The following PRIM2 variants were observed in gnomAD, a reference collection of about 807,000 sequenced individuals.
PRIM2 encodes DNA primase large subunit.
In PRIM2, 39 loss-of-function variants were observed where a neutral mutation model predicts 67.3. The ratio of observed to expected loss-of-function variants is 0.58; its 90% CI spans 0.45 to 0.76. PRIM2 has a LOEUF of 0.76. Ranked by LOEUF, PRIM2 falls within the 30% of genes least tolerant of loss-of-function variation. The probability of loss-of-function intolerance (pLI) is 0.00; values close to 1 mark genes in which losing one functional copy is unlikely to be tolerated. For synonymous variants in PRIM2, 143 were observed against 198.7 expected (o/e 0.72, Z 2.36); for missense variants, 398 against 598.7 (o/e 0.66, Z 3.50).
At chr6:57,298,866 T>TC in the PRIM2 span, among the ~76,000 whole-genome samples, 1 of 152,176 alleles carries the variant, frequency 6.6e-6, no homozygotes, top group African/African-American at 2.4e-5. Flanking sequence ...CATTCTCCTC[T>TC]CTGCCGGCCT....
chr6:57,418,316 A>C (rs1405866057), intron 7 of PRIM2, among the ~76,000 whole-genome samples: 3 of 150,740 alleles, frequency 2.0e-5, no homozygotes, highest in African/African-American at 7.3e-5. Flanking sequence ...AATTAAAAAG[A>C]TATAGGATGA....
intron 13 of PRIM2, among the ~76,000 whole-genome samples, chr6:57,642,433 A>ACCTTTTTTTTTTTTTTTTTT (rs1444848326): frequency 9.3e-6 from 1 of 107,060 alleles, no homozygotes; most frequent in Non-Finnish European, 1.8e-5. Context: ...TAAATATTAT[A>ACCTTTTTTTTTTTTTTTTTT]TCTTTTTTTT....
At position 57,339,404 on chromosome 6, in the gene PRIM2, C is replaced by T. The variant is rs1396732027; in HGVS notation, c.459+13359C>T. ...AAAGAGCCCGCATCGCCAAGTCAAT[C>T]CTAAGCCAAAAGAACAAAGCTGGAG... On this transcript the variant is annotated intron_variant, in intron 5 of 13. Coordinates refer to ENST00000615550, the MANE Select transcript of PRIM2 (RefSeq NM_000947.5). 2.6e-5 allele frequency among the ~76,000 whole-genome samples: 4 copies of T among 152,052 alleles called. 1 individual carries two copies. The South Asian group carries it at 6.2e-4, about 24-fold the overall frequency.
intron 5 of PRIM2, among the ~76,000 whole-genome samples, chr6:57,366,234 G>A (rs4544911): frequency 1.3e-5 from 2 of 152,104 alleles, no homozygotes; most frequent in South Asian, 2.1e-4. Flanking sequence ...TCAGATGTGG[G>A]AAATATGTGT....
chr6:57,392,357 G>T (rs1581857550), intron 7 of PRIM2, among the ~76,000 whole-genome samples: 5 of 151,978 alleles, frequency 3.3e-5, no homozygotes. Context: ...TTGGATGCCT[G>T]CCCTTCATTT....
chr6:57,570,567 A>G (rs1395418886), intron 10 of PRIM2, among the ~76,000 whole-genome samples: 1 of 152,232 alleles, frequency 6.6e-6, no homozygotes, highest in Non-Finnish European at 1.5e-5. Flanking sequence ...ATAGGAAATG[A>G]ACATTGAAAG....
chr6:57,586,657 C>T (rs1776193459), intron 10 of PRIM2, among the ~76,000 whole-genome samples: 1 of 152,138 alleles, frequency 6.6e-6, no homozygotes, highest in African/African-American at 2.4e-5. Context: ...TCTGATTTCT[C>T]ACAGGAATCT....
Position 57,420,985 on chromosome 6 carries a change from A to G in PRIM2, c.693+38817A>G, listed in dbSNP as rs191383373. Among the ~76,000 whole-genome samples the G allele has an allele frequency of 2.6e-5, 4 of 152,330 alleles. No homozygotes were observed. In the East Asian group the frequency reaches 7.7e-4, roughly 29 times the overall value. The stretch of plus-strand genomic sequence containing the variant: ...GGATTAGAGTACTAAGGGTAGCAGC[A>G]TGAAATGGGGAGAAAGGAGAGGCTT... On this transcript the variant is annotated intron_variant, in intron 7 of 13. Coordinates refer to ENST00000615550, the MANE Select transcript of PRIM2 (RefSeq NM_000947.5).
chr6:57,309,158 A>G, the PRIM2 span, among the ~76,000 whole-genome samples: 1 of 147,596 alleles, frequency 6.8e-6, no homozygotes, highest in Non-Finnish European at 1.5e-5. Flanking sequence ...TTTTTATTAT[A>G]CTTTAAGTTT....
intron 7 of PRIM2, among the ~76,000 whole-genome samples, chr6:57,410,099 A>G (rs1771033946): frequency 6.6e-6 from 1 of 152,122 alleles, no homozygotes; most frequent in Admixed American, 6.6e-5. Flanking sequence ...TGGGTGGATC[A>G]CATGAGGTCA....
chr6:57,420,571 C>A (rs953409283), intron 7 of PRIM2, among the ~76,000 whole-genome samples: 3 of 152,182 alleles, frequency 2.0e-5, no homozygotes, highest in Non-Finnish European at 4.4e-5. Context: ...TTAATAAACT[C>A]ATTTTCTGCT....
intron 5 of PRIM2, among the ~76,000 whole-genome samples, chr6:57,337,722 G>A (rs1414921594): frequency 2.0e-5 from 3 of 152,102 alleles, no homozygotes; most frequent in African/African-American, 7.2e-5. Context: ...TGTGTAGAGG[G>A]AAATATATAG....
At chr6:57,366,066 A>T (rs1315805699) in intron 5 of PRIM2, among the ~76,000 whole-genome samples, 1 of 152,078 alleles carries the variant, frequency 6.6e-6, no homozygotes, top group Non-Finnish European at 1.5e-5. Flanking sequence ...ATTGTACATA[A>T]ATAATATAAA....
upstream of PRIM2, among the ~76,000 whole-genome samples, chr6:57,315,442 A>G (rs1345695903): frequency 6.6e-6 from 1 of 152,200 alleles, no homozygotes; most frequent in Non-Finnish European, 1.5e-5. Context: ...GAACTACACC[A>G]TATGGGAGTC....
At chr6:57,256,447 G>T in the PRIM2 span, among the ~76,000 whole-genome samples, 1 of 152,008 alleles carries the variant, frequency 6.6e-6, no homozygotes, top group East Asian at 1.9e-4. Flanking sequence ...ATCATTTATG[G>T]TGTCTTAGAC....
chr6:57,362,096 C>G (rs1407010794), intron 5 of PRIM2, among the ~76,000 whole-genome samples: 2 of 152,096 alleles, frequency 1.3e-5, no homozygotes, highest in East Asian at 1.9e-4. Flanking sequence ...TGAATTGGGT[C>G]AACAAATAGG....
upstream of PRIM2, among the ~76,000 whole-genome samples, chr6:57,316,642 C>T (rs762955218): frequency 5.3e-5 from 8 of 152,210 alleles, no homozygotes; most frequent in Admixed American, 1.3e-4. Flanking sequence ...ACTACCTATA[C>T]CGGAGCCTCA....
At chr6:57,227,857 T>C in the PRIM2 span, among the ~76,000 whole-genome samples, 1 of 152,152 alleles carries the variant, frequency 6.6e-6, no homozygotes, top group Non-Finnish European at 1.5e-5. Flanking sequence ...GATTTACAAT[T>C]ATTAAGTCAC....
intron 5 of PRIM2, among the ~76,000 whole-genome samples, chr6:57,361,913 G>A (rs1581828269): frequency 1.3e-5 from 2 of 152,080 alleles, no homozygotes; most frequent in East Asian, 3.9e-4. Flanking sequence ...AAAAAAAGTG[G>A]GCATTGCCAT....
Sources: allele counts gnomAD v4.1 joint callset (sites outside exome capture counted in the v4.1 genomes callset), GRCh38; gene constraint gnomAD v4.1.1; transcripts MANE v1.5; gene names NCBI Gene and HGNC (gene_info 2026-07-23, HGNC 2026-07-21).